The following LRRIQ1 variants were observed in gnomAD, a reference collection of about 807,000 sequenced individuals.
LRRIQ1 encodes leucine rich repeats and IQ motif containing 1.
LRRIQ1 carries 210 observed loss-of-function variants against 211.9 expected under a neutral mutation model. The ratio of observed to expected loss-of-function variants is 0.99; its 90% CI spans 0.89 to 1.11. The LOEUF is 1.11. Among genes scored for constraint, LRRIQ1 ranks in the 50% most tolerant of loss-of-function variants. The pLI is 0.00. For missense variants in LRRIQ1, 2,136 were observed against 1,939.5 expected (o/e 1.10, Z -1.90); for synonymous variants, 699 against 650.1 (o/e 1.08, Z -1.14).
intron 11 of LRRIQ1, 62 bp downstream of exon 11, chr12:85,073,160 G>A: frequency 1.6e-6 from 2 of 1,245,134 alleles, no homozygotes; most frequent in Non-Finnish European, 2.2e-6. Flanking sequence ...GGTATGGGGA[G>A]GGTTGGATCT....
chr12:85,052,387 A>G, intron 7 of LRRIQ1, 136 bp downstream of exon 7: 1 of 452,248 alleles, frequency 2.2e-6, no homozygotes, highest in South Asian at 5.1e-5. Context: ...TTAAAAATTT[A>G]TTAATCCTCA....
chr12:85,212,679 G>A (rs892975256), intron 24 of LRRIQ1, among the ~76,000 whole-genome samples: 8 of 150,684 alleles, frequency 5.3e-5, no homozygotes, highest in Non-Finnish European at 7.4e-5. Context: ...GTTACTTTTA[G>A]ATTACGTTAA....
intron 24 of LRRIQ1, among the ~76,000 whole-genome samples, chr12:85,175,102 T>C (rs1565884870): frequency 6.6e-6 from 1 of 152,132 alleles, no homozygotes; most frequent in African/African-American, 2.4e-5. Flanking sequence ...AAACTATTAA[T>C]AAAATTTAAG....
intron 19 of LRRIQ1, among the ~76,000 whole-genome samples, chr12:85,143,586 T>C (rs1889687306): frequency 6.6e-6 from 1 of 151,696 alleles, no homozygotes; most frequent in Non-Finnish European, 1.5e-5. Context: ...GGATGTTTCC[T>C]ACTGACCTAC....
chr12:85,135,363 A>C (rs2136530409), intron 18 of LRRIQ1, among the ~76,000 whole-genome samples: 1 of 151,980 alleles, frequency 6.6e-6, no homozygotes, highest in Admixed American at 6.6e-5. Flanking sequence ...GTATTACAAA[A>C]ATGAGATACA....
At chr12:85,101,069 C>T (rs1886311797) in intron 13 of LRRIQ1, among the ~76,000 whole-genome samples, 1 of 151,590 alleles carries the variant, frequency 6.6e-6, no homozygotes, top group South Asian at 2.1e-4. Flanking sequence ...CCTATCTTAC[C>T]TAGTTTATGG....
chr12:85,241,657 C>A (rs549277598), intron 26 of LRRIQ1, among the ~76,000 whole-genome samples: 3 of 151,780 alleles, frequency 2.0e-5, no homozygotes, highest in Non-Finnish European at 4.4e-5. Context: ...ATGTTTGATA[C>A]ATATGTAGAA....
chr12:85,073,822 G>A (rs983902091), intron 11 of LRRIQ1, among the ~76,000 whole-genome samples: 4 of 152,016 alleles, frequency 2.6e-5, no homozygotes, highest in Non-Finnish European at 5.9e-5. Flanking sequence ...TCATCTTCAG[G>A]AAATGCTTAG....
chr12:85,121,645 AT>A lies in LRRIQ1; in HGVS notation c.3378-51del. The A allele has an allele frequency of 1.5e-6, 2 of 1,352,730 alleles. 1 individual carries two copies. Among genetic ancestry groups the A allele is most frequent in the South Asian group, 3.2e-5 (2 of 61,784 alleles). The allele number at this position is 1,352,730 out of a possible 1,614,324, so 83.8% of individuals were successfully genotyped here. A position where few individuals can be genotyped will look rare whatever the true frequency, so the allele number is the denominator to read the frequency against. On this transcript the variant is annotated intron_variant, in intron 15 of 26. Coordinates refer to ENST00000393217, the MANE Select transcript of LRRIQ1 (RefSeq NM_001079910.2). ...GATTAGTATATGGTTATTTAGATAC[AT>A]ACTCTCCTTATCAAGATCAGGATTA...
At chr12:85,132,169 G>A (rs2136504081) in intron 18 of LRRIQ1, among the ~76,000 whole-genome samples, 1 of 152,164 alleles carries the variant, frequency 6.6e-6, no homozygotes, top group African/African-American at 2.4e-5. Flanking sequence ...AGCGCTGGAT[G>A]AAAGGTTGCC....
At chr12:85,132,709 C>A (rs1176117467) in intron 18 of LRRIQ1, among the ~76,000 whole-genome samples, 1 of 151,600 alleles carries the variant, frequency 6.6e-6, no homozygotes, top group Non-Finnish European at 1.5e-5. Context: ...CTACAGTGAG[C>A]CAGGATTGCA....
In LRRIQ1 at chr12:85,055,750, A is replaced by C; in HGVS notation, c.957A>C (p.Gln319His). 2 of 1,610,610 alleles carry C rather than the reference A, an allele frequency of 1.2e-6. No homozygotes were observed. Among genetic ancestry groups the C allele is most frequent in the Non-Finnish European group, 1.7e-6 (2 of 1,178,336 alleles). Residue 319 changes from glutamine (Q) to histidine (H), a missense_variant, in exon 8 of 27, where the codon CAA becomes CAC. Transcript: ENST00000393217. ...TTGAAAGTAAGAAAAGGAAAGCACA[A>C]GAGTGGAAGGAAAAGGAAGCAAAAA... ...EQIESKKRKA[Q>H]EWKEKEAKIR...
At chr12:85,183,919 G>A (rs1351484798) in intron 24 of LRRIQ1, among the ~76,000 whole-genome samples, 1 of 151,952 alleles carries the variant, frequency 6.6e-6, no homozygotes, top group East Asian at 1.9e-4. Context: ...TTACATACAG[G>A]CATAACCTTA....
intron 15 of LRRIQ1, among the ~76,000 whole-genome samples, chr12:85,119,689 T>A (rs1887833290): frequency 6.6e-6 from 1 of 152,190 alleles, no homozygotes; most frequent in Admixed American, 6.5e-5. Context: ...TCAGTATTTC[T>A]GGGTTTTGGT....
intron 24 of LRRIQ1, among the ~76,000 whole-genome samples, chr12:85,194,724 A>C (rs1004854039): frequency 6.6e-6 from 1 of 152,182 alleles, no homozygotes; most frequent in Non-Finnish European, 1.5e-5. Context: ...AAAGCAGGAA[A>C]GATCCAAAAT....
chr12:85,147,734 C>T (rs966401749), intron 19 of LRRIQ1, among the ~76,000 whole-genome samples: 1 of 150,732 alleles, frequency 6.6e-6, no homozygotes, highest in Non-Finnish European at 1.5e-5. Context: ...CATGAGAAAC[C>T]GAATGCTACT....
intron 15 of LRRIQ1, among the ~76,000 whole-genome samples, chr12:85,106,983 G>A (rs1445328302): frequency 6.6e-6 from 1 of 151,936 alleles, no homozygotes; most frequent in Non-Finnish European, 1.5e-5. Context: ...TCCTTTTTGA[G>A]AGTAATTTGG....
At chr12:85,229,734 C>T (rs1416995723) in intron 25 of LRRIQ1, 85 bp downstream of exon 25, 4 of 1,409,200 alleles carry the variant, frequency 2.8e-6, no homozygotes, top group Admixed American at 2.1e-5. Context: ...CTAAAACAAA[C>T]ATGACTTTAT....
At chr12:85,207,764 G>A (rs1015672990) in intron 24 of LRRIQ1, among the ~76,000 whole-genome samples, 3 of 151,994 alleles carry the variant, frequency 2.0e-5, no homozygotes, top group South Asian at 2.1e-4. Context: ...CAGTTGTTCC[G>A]ACATCATTTG....
Sources: allele counts gnomAD v4.1 joint callset (sites outside exome capture counted in the v4.1 genomes callset), GRCh38; gene constraint gnomAD v4.1.1; transcripts MANE v1.5; gene names NCBI Gene and HGNC (gene_info 2026-07-23, HGNC 2026-07-21).